Variants in RAPGEF3 observed in about 807,000 individuals in gnomAD.
RAPGEF3 encodes the protein 9330170P05Rik.
RAPGEF3 carries 103 observed loss-of-function variants against 129.8 expected under a neutral mutation model. The ratio of observed to expected loss-of-function variants is 0.79; its 90% CI spans 0.68 to 0.93. The LOEUF is 0.93. RAPGEF3 is among the 40% of genes least tolerant of loss of function. The pLI is 0.00. For synonymous variants in RAPGEF3, 436 were observed against 482.6 expected, an observed-to-expected ratio of 0.90 and a Z score of 1.26; for missense variants, 1,117 against 1,207.4, an observed-to-expected ratio of 0.93 and a Z score of 1.11.
At chr12:47,741,079 T>C (rs1042961036) in intron 19 of RAPGEF3, 39 bp from the exon 20 acceptor site, 1 of 1,604,206 alleles carries the variant, frequency 6.2e-7, no homozygotes, top group Admixed American at 1.7e-5. Context: ...GCCTGAGGAA[T>C]CCAGGGAAAG....
rs765812810 is a variant in RAPGEF3 at position 47,747,826 on chromosome 12, C to G, written c.1359G>C (p.Glu453Asp). Residue 453 changes from glutamate (E) to aspartate (D), a missense_variant, in exon 14 of 28, where the codon GAG becomes GAC. Around this residue, in one of 3 missense-constraint regions of RAPGEF3, gnomAD observed 643 missense variants for 673.4 expected, o/e 0.95. Transcript: ENST00000449771. ...HVEPAGGSEQ[E>D]RSTYVCNKRQ... is the part of the protein sequence containing the mutation. ...TCTTGTTGCAGACGTAGGTGCTGCG[C>G]TCCTGCTCGCTGCCACCCGCAGGCT... The G allele has an allele frequency of 6.2e-7, 1 of 1,605,050 alleles. No individual in the cohort carries two copies. Among genetic ancestry groups the G allele is most frequent in the African/African-American group, 1.3e-5 (1 of 74,936 alleles).
intron 2 of RAPGEF3, among the ~76,000 whole-genome samples, chr12:47,754,781 C>G (rs915405283): frequency 6.6e-6 from 1 of 152,150 alleles, no homozygotes; most frequent in African/African-American, 2.4e-5. Flanking sequence ...TCAGGGTTCT[C>G]AGTTGGGAAG....
At position 47,749,027 on chromosome 12, in the gene RAPGEF3, G is replaced by C. The variant is rs1941592519; in HGVS notation, c.1042-96C>G. The C allele has an allele frequency of 8.5e-6, 9 of 1,054,556 alleles. No homozygotes were observed. The highest frequency in any genetic ancestry group is 1.3e-5 in the Non-Finnish European group (9 of 694,288). 65.3% of individuals were successfully genotyped at this position (1,054,556 alleles called of 1,614,324 possible). Reference sequence around the variant, plus strand: ...CATTCCAGCCCCTGAGCCCCATGAGGGTCCCACAGGGACCCACAGCCCTTC... The same window carrying C: ...CATTCCAGCCCCTGAGCCCCATGAGCGTCCCACAGGGACCCACAGCCCTTC... On this transcript the variant is annotated intron_variant, in intron 10 of 27. Transcript: ENST00000449771. The surrounding 1 kb of genome is among the most constrained non-coding windows in gnomAD (Gnocchi z 4.5).
chr12:47,740,578 G>T, intron 21 of RAPGEF3, 64 bp downstream of exon 21: 1 of 1,559,184 alleles, frequency 6.4e-7, no homozygotes, highest in Non-Finnish European at 8.7e-7. Context: ...AGCAAAGAGG[G>T]GGGCTTAGGA....
intron 11 of RAPGEF3, 127 bp downstream of exon 11, chr12:47,748,692 C>T: frequency 3.0e-6 from 3 of 1,013,172 alleles, no homozygotes; most frequent in Non-Finnish European, 4.6e-6. Context: ...GCAGGCACAT[C>T]CTGGTCCCTC....
At position 47,740,942 on chromosome 12, in the gene RAPGEF3, G is replaced by T; in HGVS notation, c.2022C>A (p.Asp674Glu). 1 of 1,613,982 alleles carries T rather than the reference G, an allele frequency of 6.2e-7. No individual in the cohort carries two copies. The highest frequency in any genetic ancestry group is 1.3e-5 in the African/African-American group (1 of 75,058). ...GGTGGATACTGTTGAAGAGGCTCCA[G>T]TCGTGGTCCGTCAGCTGGCCTGCCA... ...KDLAGQLTDH[D>E]WSLFNSIHQV... Residue 674 changes from aspartate to glutamate, a missense_variant, in exon 20 of 28, where the codon GAC (aspartate) becomes GAA (glutamate). By Grantham distance (45) the Asp-to-Glu change is conservative (BLOSUM62 2). This residue lies in a region of RAPGEF3 where 643 missense variants were observed against 673.4 expected (regional missense o/e 0.95). Coordinates refer to ENST00000449771, the MANE Select transcript of RAPGEF3 (RefSeq NM_001098531.4).
intron 16 of RAPGEF3, chr12:47,745,259 C>T (rs1322839045): frequency 2.6e-5 from 4 of 152,818 alleles, no homozygotes; most frequent in African/African-American, 9.6e-5. Flanking sequence ...TCTGCCTGAC[C>T]AGAGCCCTGT....
Position 47,751,224 on chromosome 12 carries a change from G to T in RAPGEF3, c.503-8C>A, listed in dbSNP as rs1352991305. ...AGGCCCAGTCGTGTTTCACTGGGGG[G>T]CAGAGGCCCAGGCGTGGGGGAGGAG... On this transcript the variant is annotated splice_polypyrimidine_tract_variant and splice_region_variant and intron_variant, in intron 5 of 27. Transcript: ENST00000449771. 4 of 1,548,786 alleles carry T rather than the reference G, an allele frequency of 2.6e-6. No homozygotes were observed. The highest frequency in any genetic ancestry group is 2.4e-5 in the East Asian group (1 of 40,986).
In RAPGEF3 at chr12:47,748,803, A is replaced by G. The variant is rs2136783975; in HGVS notation, c.1154+16T>C. 6.6e-7 allele frequency: 1 copy of G among 1,516,070 alleles called. No individual in the cohort carries two copies. The highest frequency in any genetic ancestry group is 2.3e-5 in the East Asian group (1 of 44,392). The allele number at this position is 1,516,070 out of a possible 1,614,324, so 93.9% of individuals were successfully genotyped here. A position where few individuals can be genotyped will look rare whatever the true frequency, so the allele number is the denominator to read the frequency against. On this transcript the variant is annotated intron_variant, in intron 11 of 27. Transcript: ENST00000449771. Reference sequence around the variant, plus strand: ...AGGAGGGACAGTGTGGAGAGGGAGCATGGCAGGTGTATTACCGGTTCCTGC... The same window carrying G: ...AGGAGGGACAGTGTGGAGAGGGAGCGTGGCAGGTGTATTACCGGTTCCTGC...
rs559870779 is a variant in RAPGEF3, at chr12:47,735,394, A to C, written c.*2173T>G. Reference sequence around the variant, plus strand: ...ACAGAAGGCAGCACAAACTCCCAGCATGGGGCCACCGTAACATGGAGCCTT... The same window carrying C: ...ACAGAAGGCAGCACAAACTCCCAGCCTGGGGCCACCGTAACATGGAGCCTT... On this transcript the variant is annotated 3_prime_UTR_variant, in exon 28 of 28. Transcript: ENST00000449771. The C allele has an allele frequency of 4.0e-4, 61 of 152,394 alleles. No individual in the cohort carries two copies. Among genetic ancestry groups the C allele is most frequent in the African/African-American group, 1.5e-3 (61 of 41,546 alleles). 9.4% of individuals were successfully genotyped at this position (152,394 alleles called of 1,614,324 possible). A position where few individuals can be genotyped will look rare whatever the true frequency, so the allele number is the denominator to read the frequency against.
Position 47,735,260 on chromosome 12 carries a change from C to T in RAPGEF3, c.*2307G>A, listed in dbSNP as rs561198860. On this transcript the variant is annotated 3_prime_UTR_variant, in exon 28 of 28. Transcript: ENST00000449771. ...GAGCCCCTCCTCCCTTTGTGGCCTT[C>T]TTGCAGCTGAGACACAAAATGGGAG... 66 of 152,210 alleles carry T rather than the reference C, an allele frequency of 4.3e-4. No homozygotes were observed. The highest frequency in any genetic ancestry group is 1.5e-3 in the African/African-American group (62 of 41,582). 9.4% of individuals were successfully genotyped at this position (152,210 alleles called of 1,614,324 possible).
Position 47,738,742 on chromosome 12 carries a change from A to G in RAPGEF3, c.2474T>C (p.Ile825Thr). 6.2e-7 allele frequency: 1 copy of G among 1,609,680 alleles called. No individual in the cohort carries two copies. Residue 825 changes from isoleucine (I) to threonine (T), a missense_variant, in exon 25 of 28, where the codon ATT (isoleucine) becomes ACT (threonine). Around this residue, in one of 3 missense-constraint regions of RAPGEF3, gnomAD observed 643 missense variants for 673.4 expected, o/e 0.95. Coordinates refer to ENST00000449771, the MANE Select transcript of RAPGEF3 (RefSeq NM_001098531.4). ...MPLLLKDMTF[I>T]HEGNHTLVEN... ...CACTAGTGTGTGGTTTCCCTCATGA[A>G]TGAAGGTCATGTCTGCAAAGAGATG...
At chr12:47,746,361 G>T (rs1364007208) in intron 16 of RAPGEF3, 5 of 424,812 alleles carry the variant, frequency 1.2e-5, no homozygotes, top group East Asian at 5.2e-5. Flanking sequence ...TACCTTTCCA[G>T]TTCTTTCTCC....
chr12:47,750,888 C>G (rs542907237), intron 6 of RAPGEF3, among the ~76,000 whole-genome samples, 160 bp downstream of exon 6: 1 of 152,322 alleles, frequency 6.6e-6, no homozygotes, highest in African/African-American at 2.4e-5. Flanking sequence ...CCAGGTCACA[C>G]AGTGAGTCCG....
At chr12:47,743,937 A>C in intron 17 of RAPGEF3, 50 bp downstream of exon 17, 1 of 1,523,806 alleles carries the variant, frequency 6.6e-7, no homozygotes, top group Non-Finnish European at 9.1e-7. Flanking sequence ...AGAGGCAGAG[A>C]CAGCAGGGTG....
chr12:47,740,153 G>A lies in RAPGEF3; in HGVS notation c.2361C>T (p.Leu787=), dbSNP rs762082244. The change falls in exon 23 of 28, where the codon CTC becomes CTT. Residue 787 remains leucine, a synonymous_variant. Coordinates refer to ENST00000449771, the MANE Select transcript of RAPGEF3 (RefSeq NM_001098531.4). ...GTGGAGCACTCACCAGCAGCCTCTC[G>A]AGGGCGGAGTACAGCTTCCGGACTT... ...PHKVRKLYSA[L]ERLLDPSWNH... 6.8e-6 allele frequency: 11 copies of A among 1,613,164 alleles called. No individual in the cohort carries two copies. The East Asian group carries it at 8.9e-5, about 13-fold the overall frequency.
rs568989288 is a variant in RAPGEF3 at position 47,747,409 on chromosome 12, T to C, written c.1556+135A>G. 8.3e-5 allele frequency: 67 copies of C among 809,126 alleles called. No individual in the cohort carries two copies. The Admixed American group carries it at 1.2e-3, about 14-fold the overall frequency. 50.1% of individuals were successfully genotyped at this position (809,126 alleles called of 1,614,324 possible). A position where few individuals can be genotyped will look rare whatever the true frequency, so the allele number is the denominator to read the frequency against. On this transcript the variant is annotated intron_variant, in intron 15 of 27. Transcript: ENST00000449771. ...GTGTGAGGGTGAACAGCAAGGGGACTGATAAGAACAAGGAATTGAAGTAAG... is the reference window on the plus strand; with the variant it reads ...GTGTGAGGGTGAACAGCAAGGGGACCGATAAGAACAAGGAATTGAAGTAAG...
chr12:47,752,287 G>A (rs1471240237), intron 2 of RAPGEF3, among the ~76,000 whole-genome samples: 1 of 152,230 alleles, frequency 6.6e-6, no homozygotes, highest in Non-Finnish European at 1.5e-5. Context: ...CCTGTTGGGG[G>A]AAAGAAGTGA....
Position 47,748,704 on chromosome 12 carries a change from A to G in RAPGEF3, c.1154+115T>C. On this transcript the variant is annotated intron_variant, in intron 11 of 27. Transcript: ENST00000449771. ...TCAGCAGGCACATCCTGGTCCCTCA[A>G]TACCTCTCCATCCACAAGTGGCCAG... 5.8e-6 allele frequency: 6 copies of G among 1,027,696 alleles called. No homozygotes were observed. In the South Asian group the frequency reaches 8.3e-5, roughly 14 times the overall value. The allele number at this position is 1,027,696 out of a possible 1,614,324, so 63.7% of individuals were successfully genotyped here. A position where few individuals can be genotyped will look rare whatever the true frequency, so the allele number is the denominator to read the frequency against.
Sources: gnomAD v4.1 joint callset for allele counts (sites outside exome capture counted in the v4.1 genomes callset) on GRCh38, gnomAD v4.1.1 for gene constraint, gnomAD v4.1.1 regional missense constraint, Gnocchi (gnomAD v3.1) non-coding constraint, MANE v1.5 for transcripts, NCBI Gene and HGNC (gene_info 2026-07-23, HGNC 2026-07-21) for gene names.